DOCK8: variants seen among roughly 807,000 people sequenced by gnomAD.
DOCK8 encodes dedicator of cytokinesis protein 8.
DOCK8 carries 141 observed loss-of-function variants against 245.6 expected under a neutral mutation model. The observed-to-expected ratio is 0.57, with a 90% confidence interval of 0.50 to 0.66. DOCK8 has a LOEUF of 0.66. DOCK8 is among the 30% of genes least tolerant of loss of function. DOCK8 has a pLI of 0.00. For synonymous variants in DOCK8, 1,168 were observed against 970.2 expected, an observed-to-expected ratio of 1.20 and a Z score of -3.79; for missense variants, 2,965 against 2,603.4, an observed-to-expected ratio of 1.14 and a Z score of -3.02.
In DOCK8 at chr9:382,647, G is replaced by T. The variant is rs375665207; in HGVS notation, c.2740G>T (p.Ala914Ser). The change falls in exon 22 of 48, where the codon GCA becomes TCA. Residue 914 changes from alanine (A) to serine (S), a missense_variant. Physicochemically the swap from Ala to Ser is moderately conservative, Grantham distance 99 (BLOSUM62 1). Around this residue, in one of 3 missense-constraint regions of DOCK8, gnomAD observed 2,825 missense variants for 2,453.5 expected, o/e 1.15. Transcript: ENST00000432829. ...CCCAGACCTCGCGGGGACACACTCC[G>T]CAGCAGACGAGGAAGTGAAGAACAT... ...SNPDLAGTHS[A>S]ADEEVKNIMS... 6.2e-7 allele frequency: 1 copy of T among 1,614,160 alleles called. No homozygotes were observed. The highest frequency in any genetic ancestry group is 2.2e-5 in the East Asian group (1 of 44,884).
At chr9:306,613 C>A (rs528331078) in intron 5 of DOCK8, among the ~76,000 whole-genome samples, 6 of 152,128 alleles carry the variant, frequency 3.9e-5, no homozygotes, top group African/African-American at 1.4e-4. Flanking sequence ...CTGGGGTATA[C>A]GGCAGTGGTT....
intron 29 of DOCK8, 71 bp downstream of exon 29, chr9:415,022 T>A: frequency 6.3e-7 from 1 of 1,575,524 alleles, no homozygotes; most frequent in South Asian, 1.1e-5. Context: ...GAATGAGATC[T>A]CTGTCATTCG....
chr9:289,663 C>T, intron 4 of DOCK8, 82 bp downstream of exon 4: 3 of 1,294,218 alleles, frequency 2.3e-6, no homozygotes, highest in Non-Finnish European at 3.2e-6. Context: ...ATACTTTGAA[C>T]AGTTCTAGGT....
chr9:224,367 G>C (rs542669), intron 1 of DOCK8, among the ~76,000 whole-genome samples: 91,432 of 151,986 alleles, frequency 0.6, 28,075 homozygotes, highest in East Asian at 0.75. Flanking sequence ...TTAAAACACA[G>C]AATAAAAATT....
At chr9:311,718 G>A (rs1268004148) in intron 5 of DOCK8, among the ~76,000 whole-genome samples, 1 of 152,176 alleles carries the variant, frequency 6.6e-6, no homozygotes, top group East Asian at 1.9e-4. Flanking sequence ...TGGTTTGTCT[G>A]CATAAGATGA....
At chr9:390,353 C>T in intron 23 of DOCK8, 118 bp from the exon 24 acceptor site, 1 of 919,050 alleles carries the variant, frequency 1.1e-6, no homozygotes, top group East Asian at 2.6e-5. Flanking sequence ...ACATCTAAGA[C>T]ACATGCTTCA....
At position 286,518 on chromosome 9, in the gene DOCK8, C is replaced by T; in HGVS notation, c.214C>T (p.Leu72=). ...VDFEGLLMTH[L]NSLDVQLAQE... ...CTTTGAAGGACTTCTGATGACACACCTGAACAGCCTGGATGTGCAGCTTGC... is the reference window on the plus strand; with the variant it reads ...CTTTGAAGGACTTCTGATGACACACTTGAACAGCCTGGATGTGCAGCTTGC... The change falls in exon 3 of 48, where the codon CTG becomes TTG. Residue 72 remains leucine (L), a synonymous_variant. Transcript: ENST00000432829. 1 of 1,614,062 alleles carries T rather than the reference C, an allele frequency of 6.2e-7. No individual in the cohort carries two copies. The highest frequency in any genetic ancestry group is 8.5e-7 in the Non-Finnish European group (1 of 1,179,944).
At chr9:348,845 G>C (rs1312827502) in intron 14 of DOCK8, among the ~76,000 whole-genome samples, 1 of 152,160 alleles carries the variant, frequency 6.6e-6, no homozygotes, top group East Asian at 1.9e-4. Context: ...CTATTTTGCA[G>C]CTTTTTCATC....
At chr9:327,655 C>T (rs889211576) in intron 8 of DOCK8, among the ~76,000 whole-genome samples, 1 of 152,184 alleles carries the variant, frequency 6.6e-6, no homozygotes, top group Non-Finnish European at 1.5e-5. Flanking sequence ...CCTTGGCCTC[C>T]CAAAGTGCTG....
chr9:357,338 A>G (rs968701877), intron 14 of DOCK8, among the ~76,000 whole-genome samples: 2 of 152,230 alleles, frequency 1.3e-5, no homozygotes, highest in African/African-American at 4.8e-5. Flanking sequence ...AAATCACCAT[A>G]TCTCATATTC....
At chr9:404,816 A>T in intron 26 of DOCK8, 102 bp from the exon 27 acceptor site, 1 of 1,264,068 alleles carries the variant, frequency 7.9e-7, no homozygotes, top group East Asian at 2.4e-5. Flanking sequence ...TATTAAATTG[A>T]TTGCCTTAAC....
intron 1 of DOCK8, among the ~76,000 whole-genome samples, chr9:265,424 C>T (rs756816056): frequency 2.0e-5 from 3 of 152,184 alleles, no homozygotes; most frequent in African/African-American, 4.8e-5. Flanking sequence ...CCACAAATGT[C>T]TGTCATTAAT....
chr9:355,053 A>G (rs545255238), intron 14 of DOCK8, among the ~76,000 whole-genome samples: 2 of 152,264 alleles, frequency 1.3e-5, no homozygotes, highest in East Asian at 3.9e-4. Context: ...ACAGTTCTTA[A>G]TGAAGCTACA....
intron 1 of DOCK8, among the ~76,000 whole-genome samples, chr9:234,859 A>G (rs1168093511): frequency 3.3e-5 from 5 of 151,970 alleles, no homozygotes; most frequent in Admixed American, 1.3e-4. Context: ...CCTGTAGCTC[A>G]GAGTAGTTTG....
At chr9:382,278 A>T (rs1228700396) in intron 21 of DOCK8, among the ~76,000 whole-genome samples, 2 of 152,124 alleles carry the variant, frequency 1.3e-5, no homozygotes, top group Non-Finnish European at 2.9e-5. Flanking sequence ...CCTTTGTAAG[A>T]GGCATGTGTT....
At chr9:350,191 C>T (rs1345618542) in intron 14 of DOCK8, among the ~76,000 whole-genome samples, 1 of 152,208 alleles carries the variant, frequency 6.6e-6, no homozygotes, top group Non-Finnish European at 1.5e-5. Flanking sequence ...TAGCTCACTG[C>T]AGCCTCAAAC....
intron 28 of DOCK8, among the ~76,000 whole-genome samples, chr9:409,944 A>T (rs957981753): frequency 3.1e-4 from 47 of 152,234 alleles, no homozygotes; most frequent in African/African-American, 8.2e-4. Context: ...CCAGTCTACC[A>T]TTGATGGACA....
At chr9:232,433 C>G (rs1352772884) in intron 1 of DOCK8, among the ~76,000 whole-genome samples, 2 of 152,168 alleles carry the variant, frequency 1.3e-5, no homozygotes, top group Non-Finnish European at 2.9e-5. Flanking sequence ...GGAGTATTCC[C>G]TCTTTTTCTA....
At chr9:360,393 A>G (rs985297087) in intron 14 of DOCK8, among the ~76,000 whole-genome samples, 1 of 152,074 alleles carries the variant, frequency 6.6e-6, no homozygotes, top group Non-Finnish European at 1.5e-5. Flanking sequence ...CCGAATATCC[A>G]TACCCAAGGC....
Sources: allele counts gnomAD v4.1 joint callset (sites outside exome capture counted in the v4.1 genomes callset), GRCh38; gene constraint gnomAD v4.1.1; regional missense constraint gnomAD v4.1.1; transcripts MANE v1.5; gene names NCBI Gene and HGNC (gene_info 2026-07-23, HGNC 2026-07-21).